Variants in DGKI observed in about 807,000 individuals in gnomAD.
DGKI encodes diacylglycerol kinase iota, also known as DAG kinase iota.
Under a neutral mutation model 147.5 loss-of-function variants are expected in DGKI, and 55 were observed. That is an observed-to-expected ratio of 0.37 (90% CI 0.30 to 0.47). The LOEUF (loss-of-function observed/expected upper bound fraction) is 0.47, where lower values mean the gene tolerates loss of function less well. Ranked by LOEUF, DGKI falls within the 20% of genes least tolerant of loss-of-function variation. The pLI is 1.00. For missense variants in DGKI, 1,007 were observed against 1,323.8 expected (o/e 0.76, Z 3.71); for synonymous variants, 469 against 477.1 (o/e 0.98, Z 0.22).
intron 1 of DGKI, among the ~76,000 whole-genome samples, chr7:137,774,408 T>C (rs1001923074): frequency 1.3e-5 from 2 of 152,172 alleles, no homozygotes; most frequent in Admixed American, 6.5e-5. Flanking sequence ...ATTTCCACTA[T>C]ACCAAATCAA....
chr7:137,506,329 G>C (rs1816367325), intron 21 of DGKI, among the ~76,000 whole-genome samples: 1 of 152,136 alleles, frequency 6.6e-6, no homozygotes, highest in African/African-American at 2.4e-5. Flanking sequence ...AATGAAGATT[G>C]CTAAGTGAAA....
chr7:137,829,117 A>G (rs1284127174), intron 1 of DGKI, among the ~76,000 whole-genome samples: 1 of 152,260 alleles, frequency 6.6e-6, no homozygotes, highest in Non-Finnish European at 1.5e-5. Context: ...CAAAAGCTAT[A>G]GAACACATTC....
At chr7:137,659,235 T>C (rs893608661) in intron 3 of DGKI, among the ~76,000 whole-genome samples, 3 of 152,198 alleles carry the variant, frequency 2.0e-5, no homozygotes, top group Non-Finnish European at 4.4e-5. Flanking sequence ...TACAATCATA[T>C]GTAAAATTAA....
Position 137,702,996 on chromosome 7 carries a change from G to A in DGKI, c.402-12994C>T, listed in dbSNP as rs112213308. ...ATATGTTGTTTCAGAAAGCTTCAAC[G>A]TATTCCTAAAAATTTAGAAGACCAT... On this transcript the variant is annotated intron_variant, in intron 1 of 32. Coordinates refer to ENST00000614521, the MANE Select transcript of DGKI (RefSeq NM_001321708.2). 2.4e-4 allele frequency among the ~76,000 whole-genome samples: 37 copies of A among 152,290 alleles called. 2 individuals are homozygous for A. Among genetic ancestry groups the A allele is most frequent in the African/African-American group, 8.2e-4 (34 of 41,572 alleles).
At chr7:137,472,025 ATT>A (rs1216566689) in intron 23 of DGKI, among the ~76,000 whole-genome samples, 2,346 of 134,604 alleles carry the variant, frequency 0.017, 114 homozygotes, top group East Asian at 0.11. Flanking sequence ...ATACATATAT[ATT>A]ATATACACAC....
chr7:137,545,581 T>A (rs1817836892), intron 20 of DGKI, among the ~76,000 whole-genome samples: 1 of 152,176 alleles, frequency 6.6e-6, no homozygotes, highest in African/African-American at 2.4e-5. Flanking sequence ...GAGCCGTAAG[T>A]AATGACATAG....
intron 3 of DGKI, among the ~76,000 whole-genome samples, chr7:137,661,592 C>T (rs561433263): frequency 2.6e-4 from 39 of 152,120 alleles, no homozygotes; most frequent in South Asian, 1.0e-3. Flanking sequence ...GGTTTCTCTA[C>T]CCCTTAGCCT....
chr7:137,829,344 TACA>T (rs1317097249), intron 1 of DGKI, among the ~76,000 whole-genome samples: 17 of 152,202 alleles, frequency 1.1e-4, no homozygotes, highest in Admixed American at 1.1e-3. Context: ...ACCCTGAAAG[TACA>T]ACTTCTTAAC....
At chr7:137,522,752 A>T (rs1817006759) in intron 20 of DGKI, among the ~76,000 whole-genome samples, 3 of 152,112 alleles carry the variant, frequency 2.0e-5, no homozygotes, top group African/African-American at 7.2e-5. Flanking sequence ...CGATATTTTG[A>T]AAGTGGTTTA....
intron 1 of DGKI, among the ~76,000 whole-genome samples, chr7:137,764,802 G>A (rs1795959701): frequency 6.6e-6 from 1 of 152,110 alleles, no homozygotes. Flanking sequence ...GCCTTACCCT[G>A]AGCTATGAAT....
At chr7:137,696,999 C>G (rs563747490) in intron 1 of DGKI, among the ~76,000 whole-genome samples, 114 of 152,288 alleles carry the variant, frequency 7.5e-4, no homozygotes, top group African/African-American at 2.6e-3. Flanking sequence ...CCAAGGAACA[C>G]TGAAGATTGC....
chr7:137,490,656 A>C (rs1384097719), intron 21 of DGKI, among the ~76,000 whole-genome samples: 2 of 150,104 alleles, frequency 1.3e-5, no homozygotes, highest in Admixed American at 6.6e-5. Context: ...AAACTTTTCA[A>C]AAATTACCAC....
Position 137,668,448 on chromosome 7 carries a change from A to T in DGKI, c.606+10109T>A, listed in dbSNP as rs1822721300. ...TGGATTATAAATATAACAATACTTA[A>T]ATGGCAGGGTTGATCTGGTGACAGG... On this transcript the variant is annotated intron_variant, in intron 3 of 32. Coordinates refer to ENST00000614521, the MANE Select transcript of DGKI (RefSeq NM_001321708.2). Among the ~76,000 whole-genome samples, 4 of 152,262 alleles carry T rather than the reference A, an allele frequency of 2.6e-5. No individual in the cohort carries two copies. In the South Asian group the frequency reaches 8.3e-4, roughly 32 times the overall value.
chr7:137,642,259 A>G (rs560235394), intron 6 of DGKI, among the ~76,000 whole-genome samples: 1 of 150,378 alleles, frequency 6.6e-6, no homozygotes, highest in East Asian at 1.9e-4. Flanking sequence ...GAACATGAAG[A>G]TATGTGGAGC....
intron 1 of DGKI, among the ~76,000 whole-genome samples, chr7:137,813,624 A>G (rs1354654659): frequency 6.6e-6 from 1 of 152,212 alleles, no homozygotes; most frequent in Non-Finnish European, 1.5e-5. Flanking sequence ...AATGCTCCCA[A>G]GTACCTCCAG....
chr7:137,492,458 G>C (rs1267393101), intron 21 of DGKI, among the ~76,000 whole-genome samples: 2 of 152,122 alleles, frequency 1.3e-5, no homozygotes, highest in Non-Finnish European at 2.9e-5. Context: ...ACCCTGCAGG[G>C]GCTACCATTC....
chr7:137,699,316 C>T (rs936137050), intron 1 of DGKI, among the ~76,000 whole-genome samples: 1 of 152,186 alleles, frequency 6.6e-6, no homozygotes, highest in African/African-American at 2.4e-5. Context: ...GGGGCATAAA[C>T]ATACAGGCAA....
At chr7:137,461,706 A>G (rs6942907) in intron 27 of DGKI, among the ~76,000 whole-genome samples, 18,852 of 151,986 alleles carry the variant, frequency 0.12, 2,507 homozygotes, top group African/African-American at 0.34. Flanking sequence ...AAGGCTGGGG[A>G]TGAATGTTTG....
At chr7:137,790,294 C>T in intron 1 of DGKI, among the ~76,000 whole-genome samples, 1 of 151,354 alleles carries the variant, frequency 6.6e-6, no homozygotes, top group East Asian at 1.9e-4. Flanking sequence ...TTCGCCCAGG[C>T]CTATGACAGT....
Sources: allele counts gnomAD v4.1 joint callset (sites outside exome capture counted in the v4.1 genomes callset), GRCh38; gene constraint gnomAD v4.1.1; transcripts MANE v1.5; gene names NCBI Gene and HGNC (gene_info 2026-07-23, HGNC 2026-07-21).